The following RSRC1 variants were observed in gnomAD, a reference collection of about 807,000 sequenced individuals.
The protein encoded by RSRC1 is arginine and serine rich coiled-coil 1, also known as serine/Arginine-related protein 53.
A neutral mutation model predicts 49.1 loss-of-function variants in RSRC1; 39 were observed. The ratio of observed to expected loss-of-function variants is 0.79; its 90% CI spans 0.61 to 1.04. RSRC1 has a LOEUF of 1.04. RSRC1 is among the 50% of genes least tolerant of loss of function. The pLI is 0.00. For missense variants in RSRC1, 388 were observed against 402.4 expected, an observed-to-expected ratio of 0.96 and a Z score of 0.31; for synonymous variants, 143 against 130.8, an observed-to-expected ratio of 1.09 and a Z score of -0.63.
At chr3:158,123,835 AG>A in intron 2 of RSRC1, 30 bp from the exon 3 acceptor site, 2 of 1,573,804 alleles carry the variant, frequency 1.3e-6, no homozygotes, top group African/African-American at 2.7e-5. Context: ...AAATTTTTAT[AG>A]CAGTGATCTT....
chr3:158,359,801 T>A (rs1416423868), intron 6 of RSRC1, among the ~76,000 whole-genome samples: 2 of 152,148 alleles, frequency 1.3e-5, no homozygotes, highest in Non-Finnish European at 2.9e-5. Flanking sequence ...ATTCATTGGA[T>A]CCTGAGTTCT....
intron 5 of RSRC1, among the ~76,000 whole-genome samples, chr3:158,327,166 G>T (rs867897861): frequency 6.6e-6 from 1 of 152,030 alleles, no homozygotes; most frequent in African/African-American, 2.4e-5. Flanking sequence ...CAATTTTGTT[G>T]ATCGTTTCAA....
intron 3 of RSRC1, among the ~76,000 whole-genome samples, chr3:158,199,520 CT>C (rs1720897805): frequency 6.6e-6 from 1 of 152,062 alleles, no homozygotes. Flanking sequence ...TGATTTTTCT[CT>C]TTAATGTTTC....
chr3:158,328,328 C>T (rs986081182), intron 5 of RSRC1, among the ~76,000 whole-genome samples: 8 of 152,112 alleles, frequency 5.3e-5, no homozygotes, highest in Non-Finnish European at 8.8e-5. Flanking sequence ...TTCCTAGCAT[C>T]GATGGTCTTT....
intron 5 of RSRC1, among the ~76,000 whole-genome samples, chr3:158,315,676 T>C (rs1038448985): frequency 9.2e-5 from 14 of 152,232 alleles, no homozygotes; most frequent in African/African-American, 3.1e-4. Context: ...GGAGTTGTTT[T>C]ATTTATATTG....
intron 7 of RSRC1, among the ~76,000 whole-genome samples, chr3:158,467,191 C>A (rs1737929592): frequency 6.6e-6 from 1 of 152,120 alleles, no homozygotes; most frequent in South Asian, 2.1e-4. Context: ...AAAAATATTT[C>A]CTGAATATTC....
intron 3 of RSRC1, among the ~76,000 whole-genome samples, chr3:158,141,732 A>G (rs934286591): frequency 2.0e-5 from 3 of 152,184 alleles, no homozygotes; most frequent in African/African-American, 7.2e-5. Context: ...ATTTTAGGGA[A>G]TATAAAGCAT....
intron 3 of RSRC1, among the ~76,000 whole-genome samples, chr3:158,182,824 A>G (rs191059503): frequency 4.6e-5 from 7 of 152,270 alleles, no homozygotes; most frequent in African/African-American, 1.7e-4. Context: ...TTTTTTTAAA[A>G]GGAAGTTTAA....
chr3:158,122,957 A>G (rs570647824), intron 2 of RSRC1, among the ~76,000 whole-genome samples: 2 of 152,048 alleles, frequency 1.3e-5, no homozygotes, highest in African/African-American at 4.8e-5. Context: ...TATGTGCCAC[A>G]TTTTCTTAAT....
chr3:158,295,001 C>T (rs1399664354), intron 4 of RSRC1, among the ~76,000 whole-genome samples: 1 of 152,224 alleles, frequency 6.6e-6, no homozygotes, highest in South Asian at 2.1e-4. Context: ...ATTAAAAAGA[C>T]GTAATGCATA....
intron 6 of RSRC1, among the ~76,000 whole-genome samples, chr3:158,374,309 A>G (rs1381665495): frequency 1.3e-5 from 2 of 152,134 alleles, no homozygotes; most frequent in Admixed American, 1.3e-4. Flanking sequence ...GGACTATGAC[A>G]TAATTTAGAA....
At chr3:158,314,893 G>C (rs567814035) in intron 5 of RSRC1, among the ~76,000 whole-genome samples, 16 of 152,118 alleles carry the variant, frequency 1.1e-4, no homozygotes, top group African/African-American at 3.6e-4. Flanking sequence ...TCAGCCGAGC[G>C]TGGTGGCAAA....
chr3:158,416,773 A>T (rs948985515), intron 6 of RSRC1, among the ~76,000 whole-genome samples: 1 of 152,090 alleles, frequency 6.6e-6, no homozygotes, highest in South Asian at 2.1e-4. Flanking sequence ...ATAACCGATA[A>T]TGTTGTACTT....
intron 5 of RSRC1, among the ~76,000 whole-genome samples, chr3:158,304,817 GT>G (rs1727750215): frequency 6.6e-6 from 1 of 152,126 alleles, no homozygotes; most frequent in Non-Finnish European, 1.5e-5. Flanking sequence ...ACAGCATGAA[GT>G]TTTTCTTCTT....
intron 5 of RSRC1, among the ~76,000 whole-genome samples, chr3:158,309,315 A>G (rs1343467753): frequency 6.6e-6 from 1 of 151,836 alleles, no homozygotes; most frequent in East Asian, 1.9e-4. Flanking sequence ...TATTTAAGGG[A>G]TCTTGATGTG....
In RSRC1 at chr3:158,162,612, G is replaced by A. The variant is rs182163948; in HGVS notation, c.320+38621G>A. On this transcript the variant is annotated intron_variant, in intron 3 of 9. Coordinates refer to ENST00000611884, the MANE Select transcript of RSRC1 (RefSeq NM_001271838.2). Reference sequence around the variant, plus strand: ...TTACTTTTTTCAGATATTATTACCTGTAAGGAACCATTGCTTCTAGCTCAT... The same window carrying A: ...TTACTTTTTTCAGATATTATTACCTATAAGGAACCATTGCTTCTAGCTCAT... 4.5e-4 allele frequency among the ~76,000 whole-genome samples: 68 copies of A among 152,220 alleles called. No individual in the cohort carries two copies. In the East Asian group the frequency reaches 0.01, roughly 22 times the overall value.
intron 4 of RSRC1, among the ~76,000 whole-genome samples, chr3:158,282,574 A>T (rs1036091309): frequency 2.6e-5 from 4 of 152,216 alleles, no homozygotes; most frequent in African/African-American, 9.6e-5. Context: ...GCATTATTGC[A>T]TTTTCAACTT....
intron 6 of RSRC1, among the ~76,000 whole-genome samples, chr3:158,365,271 G>A (rs1388481118): frequency 1.3e-5 from 2 of 152,012 alleles, no homozygotes; most frequent in African/African-American, 2.4e-5. Flanking sequence ...TCTACATTAG[G>A]TATTTCTCCT....
At chr3:158,353,549 T>C (rs944102687) in intron 5 of RSRC1, among the ~76,000 whole-genome samples, 13 of 152,224 alleles carry the variant, frequency 8.5e-5, no homozygotes, top group Non-Finnish European at 1.2e-4. Flanking sequence ...ATCCCTGTTC[T>C]GTGATATAAT....
Sources: allele counts gnomAD v4.1 joint callset (sites outside exome capture counted in the v4.1 genomes callset), GRCh38; gene constraint gnomAD v4.1.1; transcripts MANE v1.5; gene names NCBI Gene and HGNC (gene_info 2026-07-23, HGNC 2026-07-21).